Variants in GSAP observed in about 807,000 individuals in gnomAD.
GSAP encodes the protein gamma-secretase activating protein.
GSAP carries 118 observed loss-of-function variants against 131.7 expected under a neutral mutation model. The ratio of observed to expected loss-of-function variants is 0.90; its 90% CI spans 0.77 to 1.04. The LOEUF (loss-of-function observed/expected upper bound fraction) is 1.04. Ranked by LOEUF, GSAP falls within the 50% of genes least tolerant of loss-of-function variation. The probability of loss-of-function intolerance (pLI) is 0.00; values close to 1 mark genes in which losing one functional copy is unlikely to be tolerated. For missense variants in GSAP, 1,019 were observed against 1,013.2 expected, an observed-to-expected ratio of 1.01 and a Z score of -0.08; for synonymous variants, 381 against 363.4, an observed-to-expected ratio of 1.05 and a Z score of -0.55.
At chr7:77,331,508 C>T (rs1182975465) in intron 19 of GSAP, among the ~76,000 whole-genome samples, 1 of 152,022 alleles carries the variant, frequency 6.6e-6, no homozygotes, top group Non-Finnish European at 1.5e-5. Context: ...GGCTGAACTG[C>T]AAGAAAAATA....
At chr7:77,372,068 T>C (rs996462737) in intron 12 of GSAP, among the ~76,000 whole-genome samples, 2 of 152,240 alleles carry the variant, frequency 1.3e-5, no homozygotes, top group Non-Finnish European at 2.9e-5. Context: ...TGAAGTACTC[T>C]CACTAAAAAT....
At chr7:77,411,876 T>C (rs1803349634) in intron 1 of GSAP, among the ~76,000 whole-genome samples, 1 of 152,106 alleles carries the variant, frequency 6.6e-6, no homozygotes, top group Non-Finnish European at 1.5e-5. Context: ...CCATAAAGCA[T>C]AGTTATTAAG....
rs775348932 is a variant in GSAP at position 77,311,487 on chromosome 7, A to ACC, written c.2474-40_2474-39dup. On this transcript the variant is annotated intron_variant, in intron 30 of 30. Transcript: ENST00000257626. Reference sequence around the variant, plus strand: ...GGGGAGAGGGCAGGGAAAAAGGGTTACCATGGGTCCGTGAAACATTTATAA... The same window carrying ACC: ...GGGGAGAGGGCAGGGAAAAAGGGTTACCCCATGGGTCCGTGAAACATTTATAA... The ACC allele has an allele frequency of 3.9e-6, 4 of 1,021,534 alleles. No individual in the cohort carries two copies. In the Admixed American group the frequency reaches 7.1e-5, roughly 18 times the overall value. 63.3% of individuals were successfully genotyped at this position (1,021,534 alleles called of 1,614,324 possible). A position where few individuals can be genotyped will look rare whatever the true frequency, so the allele number is the denominator to read the frequency against.
At chr7:77,322,474 A>G (rs530211507) in intron 24 of GSAP, among the ~76,000 whole-genome samples, 1 of 152,346 alleles carries the variant, frequency 6.6e-6, no homozygotes, top group Admixed American at 6.5e-5. Context: ...AACAATGGAG[A>G]AAAATGACGC....
chr7:77,413,038 A>AC (rs930563573), intron 1 of GSAP, among the ~76,000 whole-genome samples: 6 of 151,652 alleles, frequency 4.0e-5, no homozygotes, highest in Admixed American at 6.6e-5. Context: ...AACCCCAGAA[A>AC]CCCCCCAAAA....
intron 19 of GSAP, among the ~76,000 whole-genome samples, chr7:77,334,734 C>T (rs894106515): frequency 9.2e-5 from 14 of 151,954 alleles, no homozygotes; most frequent in African/African-American, 2.9e-4. Flanking sequence ...AGCCCATCAC[C>T]GGCAACTCGA....
intron 23 of GSAP, among the ~76,000 whole-genome samples, chr7:77,324,351 C>T (rs1015477504): frequency 2.0e-5 from 3 of 152,192 alleles, no homozygotes; most frequent in Non-Finnish European, 2.9e-5. Context: ...CTTCCCCAAC[C>T]ATTAGCATTC....
chr7:77,369,879 T>C (rs1206038955), intron 12 of GSAP, among the ~76,000 whole-genome samples: 1 of 151,298 alleles, frequency 6.6e-6, no homozygotes, highest in East Asian at 1.9e-4. Flanking sequence ...ATCTTAAATC[T>C]GGAAGCATCT....
At chr7:77,377,237 T>TTAA in intron 9 of GSAP, 49 bp downstream of exon 9, 4 of 891,782 alleles carry the variant, frequency 4.5e-6, no homozygotes, top group South Asian at 3.5e-5. Flanking sequence ...AATATTTTTG[T>TTAA]AAAAAAAAAA....
chr7:77,314,014 C>T (rs1041360227), intron 27 of GSAP, among the ~76,000 whole-genome samples: 23 of 152,162 alleles, frequency 1.5e-4, no homozygotes, highest in African/African-American at 5.3e-4. Flanking sequence ...TTCCTAGCCT[C>T]AAGTGCCCTC....
intron 13 of GSAP, among the ~76,000 whole-genome samples, chr7:77,361,749 A>G (rs930756614): frequency 3.9e-5 from 6 of 152,222 alleles, no homozygotes; most frequent in African/African-American, 1.4e-4. Flanking sequence ...AGCATGGTTC[A>G]AACTAAAACT....
intron 19 of GSAP, among the ~76,000 whole-genome samples, chr7:77,343,314 CCT>C (rs1791295360): frequency 6.6e-6 from 1 of 152,196 alleles, no homozygotes; most frequent in African/African-American, 2.4e-5. Context: ...CCCTCCACTA[CCT>C]CTCAGCAAGC....
intron 1 of GSAP, chr7:77,415,966 G>A: frequency 2.6e-6 from 1 of 390,562 alleles, no homozygotes; most frequent in Non-Finnish European, 4.6e-6. Flanking sequence ...ATTTCCGCGG[G>A]CCGGCAGCGA....
chr7:77,393,262 C>A (rs6961077), intron 5 of GSAP, among the ~76,000 whole-genome samples: 9,517 of 152,134 alleles, frequency 0.063, 964 homozygotes, highest in African/African-American at 0.21. Context: ...ATAAACGTTT[C>A]CAAAATATTC....
At chr7:77,311,525 A>G in intron 30 of GSAP, 76 bp from the exon 31 acceptor site, 1 of 728,072 alleles carries the variant, frequency 1.4e-6, no homozygotes. Context: ...TTGTGCTCAC[A>G]GCTCATTAAA....
chr7:77,410,649 C>T (rs1324661689), intron 1 of GSAP, among the ~76,000 whole-genome samples: 2 of 152,096 alleles, frequency 1.3e-5, no homozygotes, highest in Admixed American at 6.5e-5. Flanking sequence ...AGCTGGTTGG[C>T]CAGATATTCT....
chr7:77,328,321 G>C, intron 22 of GSAP: 2 of 1,176,788 alleles, frequency 1.7e-6, no homozygotes. Flanking sequence ...TGTGGGCACA[G>C]CCAGAGGGCA....
At chr7:77,350,586 A>AAAC (rs1792704444) in intron 18 of GSAP, among the ~76,000 whole-genome samples, 1 of 150,784 alleles carries the variant, frequency 6.6e-6, no homozygotes, top group African/African-American at 2.4e-5. Flanking sequence ...AAAAAAAAAA[A>AAAC]AAAAAAATTA....
intron 1 of GSAP, among the ~76,000 whole-genome samples, chr7:77,412,244 T>C (rs1428750108): frequency 6.6e-6 from 1 of 152,160 alleles, no homozygotes; most frequent in Non-Finnish European, 1.5e-5. Context: ...TAAGGAAGCT[T>C]GATGTGACAG....
Sources: gnomAD v4.1 joint callset for allele counts (sites outside exome capture counted in the v4.1 genomes callset) on GRCh38, gnomAD v4.1.1 for gene constraint, MANE v1.5 for transcripts, NCBI Gene and HGNC (gene_info 2026-07-23, HGNC 2026-07-21) for gene names.